Variants in CERS3 observed in about 807,000 individuals in gnomAD.
CERS3 encodes ceramide synthase 3.
Under a neutral mutation model 50.3 loss-of-function variants are expected in CERS3, and 33 were observed. The observed-to-expected ratio is 0.66, with a 90% confidence interval of 0.50 to 0.88. The LOEUF (loss-of-function observed/expected upper bound fraction) is 0.88, where lower values mean the gene tolerates loss of function less well. CERS3 is among the 40% of genes least tolerant of loss of function. The pLI is 0.00. For synonymous variants in CERS3, 176 were observed against 155.2 expected (o/e 1.13, Z -0.99); for missense variants, 470 against 460.3 (o/e 1.02, Z -0.19).
intron 11 of CERS3, among the ~76,000 whole-genome samples, chr15:100,409,619 T>G (rs2031321540): frequency 6.6e-6 from 1 of 152,100 alleles, no homozygotes; most frequent in South Asian, 2.1e-4. Flanking sequence ...TTTCTGAAAC[T>G]CTACCTGTCT....
intron 11 of CERS3, among the ~76,000 whole-genome samples, chr15:100,423,908 C>T (rs2032635379): frequency 6.6e-6 from 1 of 151,590 alleles, no homozygotes; most frequent in Non-Finnish European, 1.5e-5. Context: ...AAATTTTTTT[C>T]TCCATAAATT....
chr15:100,528,203 G>C (rs1178757460), intron 1 of CERS3, among the ~76,000 whole-genome samples: 8 of 152,188 alleles, frequency 5.3e-5, no homozygotes, highest in Admixed American at 4.6e-4. Flanking sequence ...CATGAGACTG[G>C]CAGCCTTAGA....
chr15:100,538,961 A>G (rs570177944), intron 1 of CERS3, among the ~76,000 whole-genome samples: 1 of 152,314 alleles, frequency 6.6e-6, no homozygotes, highest in East Asian at 1.9e-4. Context: ...AGAGCACCCA[A>G]GTCACCTCTT....
chr15:100,501,541 C>G (rs2587778), intron 3 of CERS3, 136 bp downstream of exon 3: 1 of 679,804 alleles, frequency 1.5e-6, no homozygotes, highest in Non-Finnish European at 2.5e-6. Flanking sequence ...ATTAACTCAT[C>G]CCCAGAATCT....
chr15:100,435,255 A>C (rs559208793), intron 11 of CERS3, among the ~76,000 whole-genome samples: 1 of 152,350 alleles, frequency 6.6e-6, no homozygotes, highest in East Asian at 1.9e-4. Context: ...ATATGCAATA[A>C]ATTGGAGTAC....
At chr15:100,526,405 C>T (rs953724215) in intron 1 of CERS3, among the ~76,000 whole-genome samples, 1 of 152,084 alleles carries the variant, frequency 6.6e-6, no homozygotes, top group Non-Finnish European at 1.5e-5. Flanking sequence ...CAGCACCCTC[C>T]TCCCATGAGC....
chr15:100,466,840 C>T (rs12904914), intron 10 of CERS3, among the ~76,000 whole-genome samples: 11,332 of 28,154 alleles, frequency 0.4, 3,882 homozygotes, highest in Middle Eastern at 0.58. Context: ...TCCCTCTCTC[C>T]CTCTCTCTTT....
chr15:100,409,455 G>C (rs1195412031), intron 11 of CERS3, among the ~76,000 whole-genome samples: 1 of 28,004 alleles, frequency 3.6e-5, no homozygotes, highest in Non-Finnish European at 9.3e-5. Flanking sequence ...CTTAAAAAAA[G>C]TGCAGCCCAC....
intron 5 of CERS3, among the ~76,000 whole-genome samples, chr15:100,481,460 G>C (rs1391835065): frequency 6.6e-6 from 1 of 152,182 alleles, no homozygotes; most frequent in Non-Finnish European, 1.5e-5. Flanking sequence ...GGATTATCTT[G>C]TCCAAACAAA....
At position 100,501,692 on chromosome 15, in the gene CERS3, C is replaced by T; in HGVS notation, c.158G>A (p.Arg53Lys). ...TACTACTTACTTTTCAAATACACGT[C>T]TGATAATCAGCAAGAGAAAAGCATA... ...IPYAFLLLII[R>K]RVFEKFVASP... The change falls in exon 3 of 12, where the codon AGA becomes AAA. Residue 53 changes from arginine to lysine, a missense_variant. Coordinates refer to ENST00000679737, the MANE Select transcript of CERS3 (RefSeq NM_001378789.1). 2 of 1,613,318 alleles carry T rather than the reference C, an allele frequency of 1.2e-6. No homozygotes were observed. The highest frequency in any genetic ancestry group is 8.5e-7 in the Non-Finnish European group (1 of 1,179,402).
At chr15:100,533,809 C>G (rs937254937), upstream of CERS3, among the ~76,000 whole-genome samples, 1 of 152,268 alleles carries the variant, frequency 6.6e-6, no homozygotes. Flanking sequence ...TCACCTGCCT[C>G]GGCCTCCCAA....
intron 2 of CERS3, among the ~76,000 whole-genome samples, chr15:100,517,408 G>A (rs1199537775): frequency 6.6e-6 from 1 of 152,150 alleles, no homozygotes; most frequent in Non-Finnish European, 1.5e-5. Flanking sequence ...CCAAGTGTTG[G>A]TGGGGGAGTG....
chr15:100,507,522 C>T (rs542788511), intron 2 of CERS3, among the ~76,000 whole-genome samples: 4 of 152,358 alleles, frequency 2.6e-5, no homozygotes, highest in Admixed American at 6.5e-5. Flanking sequence ...CAGGCCACAG[C>T]CTGTGATAAT....
At chr15:100,499,036 A>G (rs1050212467) in intron 3 of CERS3, among the ~76,000 whole-genome samples, 5 of 152,118 alleles carry the variant, frequency 3.3e-5, no homozygotes, top group African/African-American at 1.2e-4. Flanking sequence ...CAGATAGGTT[A>G]CTCCAGCTAC....
intron 10 of CERS3, among the ~76,000 whole-genome samples, chr15:100,466,791 T>TCCTCCCTCCCTC (rs1390003696): frequency 1.4e-4 from 4 of 29,138 alleles, no homozygotes; most frequent in African/African-American, 3.8e-4. Flanking sequence ...CTTCCTTCCT[T>TCCTCCCTCCCTC]CCTCCCTCCC....
chr15:100,488,869 C>G (rs1366423743), intron 4 of CERS3, among the ~76,000 whole-genome samples: 1 of 151,996 alleles, frequency 6.6e-6, no homozygotes, highest in Non-Finnish European at 1.5e-5. Flanking sequence ...CTCCAACTCC[C>G]TGGTTCAAGC....
intron 11 of CERS3, among the ~76,000 whole-genome samples, chr15:100,409,369 A>C (rs1407197602): frequency 6.6e-6 from 1 of 152,194 alleles, no homozygotes; most frequent in Admixed American, 6.5e-5. Context: ...CATGATTTGC[A>C]ACTCACAGTT....
chr15:100,466,812 C>CCTCCCTCTCTCCCTCT (rs1555528050), intron 10 of CERS3, among the ~76,000 whole-genome samples: 4 of 16,252 alleles, frequency 2.5e-4, no homozygotes, highest in Admixed American at 2.1e-3. Context: ...TCCCTCCCTC[C>CCTCCCTCTCTCCCTCT]CTCCCTCTCT....
chr15:100,528,222 G>A (rs910893334), intron 1 of CERS3, among the ~76,000 whole-genome samples: 1 of 152,188 alleles, frequency 6.6e-6, no homozygotes, highest in Non-Finnish European at 1.5e-5. Flanking sequence ...GAACCGAACA[G>A]CTAATTTCTC....
Sources: allele counts gnomAD v4.1 joint callset (sites outside exome capture counted in the v4.1 genomes callset), GRCh38; gene constraint gnomAD v4.1.1; transcripts MANE v1.5; gene names NCBI Gene and HGNC (gene_info 2026-07-23, HGNC 2026-07-21).